The following TMTC2 variants were observed in gnomAD, a reference collection of about 807,000 sequenced individuals.
TMTC2 encodes protein O-mannosyl-transferase TMTC2.
TMTC2 carries 43 observed loss-of-function variants against 82.4 expected under a neutral mutation model. That is an observed-to-expected ratio of 0.52 (90% CI 0.41 to 0.67). The LOEUF is 0.67. TMTC2 is among the 30% of genes least tolerant of loss of function. The pLI is 0.00. For missense variants in TMTC2, 919 were observed against 1,012.4 expected (o/e 0.91, Z 1.25); for synonymous variants, 408 against 381.9 (o/e 1.07, Z -0.80).
At chr12:82,715,256 C>T (rs1873840821) in intron 1 of TMTC2, among the ~76,000 whole-genome samples, 1 of 145,066 alleles carries the variant, frequency 6.9e-6, no homozygotes, top group African/African-American at 2.6e-5. Flanking sequence ...GCCTGGGCGA[C>T]AGAACGAGAC....
At chr12:82,749,053 A>G (rs1044384024) in intron 1 of TMTC2, among the ~76,000 whole-genome samples, 2 of 152,256 alleles carry the variant, frequency 1.3e-5, no homozygotes, top group Non-Finnish European at 2.9e-5. Flanking sequence ...GGTTTGATGA[A>G]TAAGTGTAGC....
intron 1 of TMTC2, among the ~76,000 whole-genome samples, chr12:82,844,670 C>T (rs1047024523): frequency 1.3e-5 from 2 of 151,876 alleles, no homozygotes; most frequent in East Asian, 1.9e-4. Flanking sequence ...CGCTTGGTGG[C>T]GGGCGCCTGT....
chr12:82,868,207 C>T (rs974575166), intron 2 of TMTC2, among the ~76,000 whole-genome samples: 7 of 152,090 alleles, frequency 4.6e-5, no homozygotes, highest in African/African-American at 1.7e-4. Flanking sequence ...TAATGGTGAT[C>T]TTTTTATCTG....
chr12:82,952,409 A>G (rs1877395518), intron 4 of TMTC2, among the ~76,000 whole-genome samples: 1 of 152,164 alleles, frequency 6.6e-6, no homozygotes, highest in South Asian at 2.1e-4. Context: ...CAGACAACTC[A>G]TACTTTGTAT....
intron 1 of TMTC2, among the ~76,000 whole-genome samples, chr12:82,739,490 A>G (rs1875291682): frequency 6.6e-6 from 1 of 152,152 alleles, no homozygotes; most frequent in Non-Finnish European, 1.5e-5. Context: ...CATGAGTTAA[A>G]TACAGCAGAG....
intron 9 of TMTC2, among the ~76,000 whole-genome samples, chr12:83,037,159 T>G (rs2137433488): frequency 6.6e-6 from 1 of 152,336 alleles, no homozygotes; most frequent in African/African-American, 2.4e-5. Context: ...ATATATTATT[T>G]GTTTCACTTT....
chr12:82,909,061 G>A (rs1874482062), intron 3 of TMTC2, among the ~76,000 whole-genome samples: 1 of 152,154 alleles, frequency 6.6e-6, no homozygotes, highest in African/African-American at 2.4e-5. Context: ...GAATTCCCAA[G>A]GAATATTTTT....
At chr12:83,047,503 A>G (rs1318153206) in intron 9 of TMTC2, among the ~76,000 whole-genome samples, 1 of 152,228 alleles carries the variant, frequency 6.6e-6, no homozygotes, top group African/African-American at 2.4e-5. Flanking sequence ...TACCAGCCAG[A>G]TGATTCACAT....
intron 4 of TMTC2, among the ~76,000 whole-genome samples, chr12:82,937,908 CTT>C (rs778770178): frequency 1.4e-4 from 5 of 36,620 alleles, no homozygotes; most frequent in African/African-American, 2.4e-4. Flanking sequence ...AGATTCAAAC[CTT>C]TTTTTTTTTT....
At chr12:83,067,117 AG>A (rs1422970457) in intron 11 of TMTC2, among the ~76,000 whole-genome samples, 4 of 151,984 alleles carry the variant, frequency 2.6e-5, no homozygotes, top group Non-Finnish European at 5.9e-5. Context: ...AGACAGTGAC[AG>A]GGCATAGAAA....
intron 11 of TMTC2, among the ~76,000 whole-genome samples, chr12:83,100,340 G>A (rs1462162308): frequency 1.3e-5 from 2 of 151,950 alleles, no homozygotes; most frequent in African/African-American, 2.4e-5. Flanking sequence ...AAGGGAGGTT[G>A]GGCCACTATT....
chr12:83,131,255 C>A (rs1419338189), intron 11 of TMTC2, among the ~76,000 whole-genome samples: 2 of 152,198 alleles, frequency 1.3e-5, no homozygotes, highest in Non-Finnish European at 1.5e-5. Context: ...GTTCCAGGGA[C>A]AGGAGCAGAA....
chr12:82,711,233 C>T (rs1286985074), intron 1 of TMTC2, among the ~76,000 whole-genome samples: 4 of 152,204 alleles, frequency 2.6e-5, no homozygotes, highest in African/African-American at 7.2e-5. Context: ...CAGAAGTCAC[C>T]GTCAACTTCC....
At chr12:82,913,500 T>C (rs1288384653) in intron 3 of TMTC2, among the ~76,000 whole-genome samples, 1 of 152,206 alleles carries the variant, frequency 6.6e-6, no homozygotes, top group Non-Finnish European at 1.5e-5. Flanking sequence ...TTAATCATCC[T>C]GACATGTCAA....
intron 1 of TMTC2, among the ~76,000 whole-genome samples, chr12:82,740,729 C>T (rs184645663): frequency 6.6e-6 from 1 of 152,310 alleles, no homozygotes; most frequent in East Asian, 1.9e-4. Context: ...CTGTGACCCT[C>T]CCTCTCAGGA....
intron 11 of TMTC2, among the ~76,000 whole-genome samples, chr12:83,102,198 C>T (rs1884242491): frequency 6.6e-6 from 1 of 152,188 alleles, no homozygotes; most frequent in Non-Finnish European, 1.5e-5. Context: ...AAAGTTGACA[C>T]ATGTGTCCTT....
chr12:82,790,321 G>A (rs1044803035), intron 1 of TMTC2, among the ~76,000 whole-genome samples: 2 of 151,978 alleles, frequency 1.3e-5, no homozygotes, highest in African/African-American at 4.8e-5. Context: ...TGTAGGAGTT[G>A]GTTCTGTCTC....
intron 1 of TMTC2, 134 bp downstream of exon 1, chr12:82,687,803 A>G: frequency 2.4e-6 from 2 of 830,192 alleles, no homozygotes; most frequent in Non-Finnish European, 3.8e-6. Flanking sequence ...GCGACACGTA[A>G]ACATTAACAC....
At chr12:82,917,924 G>T (rs1875112720) in intron 3 of TMTC2, among the ~76,000 whole-genome samples, 1 of 151,390 alleles carries the variant, frequency 6.6e-6, no homozygotes. Context: ...TTGAGACAGG[G>T]TCTCACTCTG....
Sources: gnomAD v4.1 joint callset for allele counts (sites outside exome capture counted in the v4.1 genomes callset) on GRCh38, gnomAD v4.1.1 for gene constraint, MANE v1.5 for transcripts, NCBI Gene and HGNC (gene_info 2026-07-23, HGNC 2026-07-21) for gene names.